FAF1: variants seen among roughly 807,000 people sequenced by gnomAD.
The protein encoded by FAF1 is FAS-associated factor 1.
Under a neutral mutation model 92.5 loss-of-function variants are expected in FAF1, and 25 were observed. The observed-to-expected ratio is 0.27, with a 90% CI of 0.20 to 0.38. FAF1 has a LOEUF of 0.38. Ranked by LOEUF, FAF1 falls within the 10% of genes least tolerant of loss-of-function variation. The pLI is 1.00. For synonymous variants in FAF1, 234 were observed against 273.2 expected, an observed-to-expected ratio of 0.86 and a Z score of 1.42; for missense variants, 636 against 793.3, an observed-to-expected ratio of 0.80 and a Z score of 2.38.
intron 8 of FAF1, among the ~76,000 whole-genome samples, chr1:50,618,806 T>C (rs1174365091): frequency 6.6e-6 from 1 of 151,678 alleles, no homozygotes; most frequent in Non-Finnish European, 1.5e-5. Flanking sequence ...TGGAGTGCAG[T>C]GGCACACTCT....
intron 8 of FAF1, among the ~76,000 whole-genome samples, chr1:50,604,488 C>T (rs993754431): frequency 6.6e-6 from 1 of 152,126 alleles, no homozygotes; most frequent in African/African-American, 2.4e-5. Context: ...CTTCTTGACT[C>T]CTAATCTCGG....
chr1:50,700,252 A>T (rs1569793391), intron 7 of FAF1, among the ~76,000 whole-genome samples: 1 of 151,058 alleles, frequency 6.6e-6, no homozygotes, highest in Non-Finnish European at 1.5e-5. Context: ...GCTGTGTGTA[A>T]TGGGTCCACT....
intron 8 of FAF1, among the ~76,000 whole-genome samples, chr1:50,653,407 A>G (rs1654954796): frequency 6.6e-6 from 1 of 152,150 alleles, no homozygotes; most frequent in African/African-American, 2.4e-5. Context: ...GTGGAGTGCA[A>G]TGGCACAATC....
At chr1:50,536,333 G>A (rs1043402111) in intron 14 of FAF1, among the ~76,000 whole-genome samples, 1 of 152,126 alleles carries the variant, frequency 6.6e-6, no homozygotes. Flanking sequence ...AAATTCATGA[G>A]GATATATAAA....
At chr1:50,678,149 T>C (rs1252254962) in intron 7 of FAF1, among the ~76,000 whole-genome samples, 1 of 152,182 alleles carries the variant, frequency 6.6e-6, no homozygotes, top group African/African-American at 2.4e-5. Context: ...AAAACTGACA[T>C]TGTGGTTTCA....
intron 5 of FAF1, among the ~76,000 whole-genome samples, chr1:50,739,373 T>TGTGTAC (rs1308688598): frequency 6.6e-6 from 1 of 150,856 alleles, no homozygotes; most frequent in African/African-American, 2.5e-5. Context: ...TACACGTACA[T>TGTGTAC]ACATATACAT....
At chr1:50,834,015 C>T (rs2095865) in intron 2 of FAF1, among the ~76,000 whole-genome samples, 10,086 of 152,258 alleles carry the variant, frequency 0.066, 412 homozygotes, top group East Asian at 0.094. Context: ...AAATTGTAAT[C>T]CACAATGTTA....
chr1:50,529,579 C>T (rs1381150795), intron 15 of FAF1, among the ~76,000 whole-genome samples: 1 of 152,152 alleles, frequency 6.6e-6, no homozygotes, highest in East Asian at 1.9e-4. Context: ...GTTCAGGAAT[C>T]ACACTGAGAA....
chr1:50,781,936 G>A (rs1270258134), intron 4 of FAF1, among the ~76,000 whole-genome samples: 1 of 152,134 alleles, frequency 6.6e-6, no homozygotes, highest in Non-Finnish European at 1.5e-5. Flanking sequence ...AGGTGGTCCT[G>A]AGCTGAATAA....
chr1:50,524,517 G>A (rs1377516663), intron 15 of FAF1, among the ~76,000 whole-genome samples: 9 of 152,080 alleles, frequency 5.9e-5, no homozygotes, highest in African/African-American at 2.2e-4. Flanking sequence ...TATAGTTTTG[G>A]GTTTTCCATT....
At chr1:50,694,007 A>ATC (rs1657061855) in intron 7 of FAF1, among the ~76,000 whole-genome samples, 2 of 152,058 alleles carry the variant, frequency 1.3e-5, no homozygotes, top group African/African-American at 4.8e-5. Flanking sequence ...CATTATATAT[A>ATC]TACATGACAT....
At position 50,490,495 on chromosome 1, in the gene FAF1, G is replaced by GAAGGAAGGAAGGA. The variant is rs1553218858; in HGVS notation, c.1653+80_1653+92dup. The GAAGGAAGGAAGGA allele has an allele frequency of 5.3e-5, 6 of 112,486 alleles. No homozygotes were observed. The East Asian group carries it at 3.9e-3, about 73-fold the overall frequency. The allele number at this position is 112,486 out of a possible 1,614,324, so 7.0% of individuals were successfully genotyped here. A position where few individuals can be genotyped will look rare whatever the true frequency, so the allele number is the denominator to read the frequency against. On this transcript the variant is annotated intron_variant, in intron 17 of 18. Transcript: ENST00000396153. ...GAAGGAAGGAAGGAAGGAAGGAAAG[G>GAAGGAAGGAAGGA]AAGGAAGGAAGGAAGGAAGGAAGGT...
intron 8 of FAF1, among the ~76,000 whole-genome samples, chr1:50,638,218 A>G (rs1417206266): frequency 6.6e-6 from 1 of 152,020 alleles, no homozygotes; most frequent in Non-Finnish European, 1.5e-5. Flanking sequence ...ATTATGTTGG[A>G]TCTACCAAGA....
At chr1:50,504,256 A>C (rs1647026858) in intron 15 of FAF1, among the ~76,000 whole-genome samples, 2 of 152,172 alleles carry the variant, frequency 1.3e-5, no homozygotes, top group African/African-American at 2.4e-5. Flanking sequence ...AGTATCCAAT[A>C]TGCATCTACT....
Position 50,475,627 on chromosome 1 carries a change from T to A in FAF1, c.1706A>T (p.Asn569Ile). ...CCGCAGTTTGCTCACAGGCTCAGCA[T>A]TTTCTTCCTTTGGCTCAGGAGGCAG... ...QALPPEPKEENAEPVSKLRIR... is the reference protein window; with the variant it reads ...QALPPEPKEEIAEPVSKLRIR... Residue 569 changes from asparagine to isoleucine, a missense_variant, in exon 18 of 19, where the codon AAT (asparagine) becomes ATT (isoleucine). Around this residue, in one of 2 missense-constraint regions of FAF1, gnomAD observed 319 missense variants for 451.0 expected, o/e 0.71. Coordinates refer to ENST00000396153, the MANE Select transcript of FAF1 (RefSeq NM_007051.3). 1 of 1,613,998 alleles carries A rather than the reference T, an allele frequency of 6.2e-7. No homozygotes were observed. The highest frequency in any genetic ancestry group is 8.5e-7 in the Non-Finnish European group (1 of 1,179,974).
At chr1:50,628,684 C>A (rs930702267) in intron 8 of FAF1, among the ~76,000 whole-genome samples, 2 of 152,204 alleles carry the variant, frequency 1.3e-5, no homozygotes, top group Non-Finnish European at 2.9e-5. Flanking sequence ...CAGGTGCACA[C>A]AGTAGTCACA....
intron 15 of FAF1, among the ~76,000 whole-genome samples, chr1:50,496,889 CA>C (rs35287623): frequency 0.41 from 54,626 of 134,106 alleles, 10,452 homozygotes; most frequent in Middle Eastern, 0.5. Context: ...AACTCCATCT[CA>C]AAAAAAAAAA....
intron 13 of FAF1, among the ~76,000 whole-genome samples, chr1:50,549,232 TTAAATC>T (rs1649174566): frequency 6.6e-6 from 1 of 152,208 alleles, no homozygotes; most frequent in Non-Finnish European, 1.5e-5. Flanking sequence ...TATCTCTACT[TTAAATC>T]TATCTATATA....
intron 8 of FAF1, among the ~76,000 whole-genome samples, chr1:50,651,198 T>A (rs1193763298): frequency 6.6e-6 from 1 of 152,168 alleles, no homozygotes; most frequent in Non-Finnish European, 1.5e-5. Context: ...GAACAAAACA[T>A]CTCTTGTGTT....
Sources: gnomAD v4.1 joint callset for allele counts (sites outside exome capture counted in the v4.1 genomes callset) on GRCh38, gnomAD v4.1.1 for gene constraint, gnomAD v4.1.1 regional missense constraint, MANE v1.5 for transcripts, NCBI Gene and HGNC (gene_info 2026-07-23, HGNC 2026-07-21) for gene names.